MLYCD: variants seen among roughly 807,000 people sequenced by gnomAD.
The protein encoded by MLYCD is malonyl-CoA decarboxylase, mitochondrial.
A neutral mutation model predicts 35.8 loss-of-function variants in MLYCD; 27 were observed. That is an observed-to-expected ratio of 0.75 (90% CI 0.56 to 1.04). MLYCD has a LOEUF of 1.04. Among genes scored for constraint, MLYCD ranks in the 50% least tolerant of loss-of-function variants. MLYCD has a pLI of 0.00. For missense variants in MLYCD, 917 were observed against 665.1 expected (o/e 1.38, Z -4.17); for synonymous variants, 403 against 302.4 (o/e 1.33, Z -3.45).
rs931872530 is a variant in MLYCD at position 83,923,822 on chromosome 16, G to T, written c.*8333G>T. The stretch of plus-strand genomic sequence containing the variant: ...GACCCACGCAAAGGCCCAGAGAGGA[G>T]AAGGCCAGCAGTGGGCAGAACAGAG... On this transcript the variant is annotated 3_prime_UTR_variant, in exon 5 of 5. Coordinates refer to ENST00000262430, the MANE Select transcript of MLYCD (RefSeq NM_012213.3). 6.6e-6 allele frequency: 1 copy of T among 152,452 alleles called. No homozygotes were observed. Among genetic ancestry groups the T allele is most frequent in the Admixed American group, 6.5e-5 (1 of 15,280 alleles). 9.4% of individuals were successfully genotyped at this position (152,452 alleles called of 1,614,324 possible).
rs1229068702 is a variant in MLYCD, at chr16:83,923,676, G to C, written c.*8187G>C. On this transcript the variant is annotated 3_prime_UTR_variant, in exon 5 of 5. Transcript: ENST00000262430. ...CCTCACTTAGAGATGAGGCGATGAGGCGGCGAGCTGGGAGAGGGCTGAGCA... is the reference window on the plus strand; with the variant it reads ...CCTCACTTAGAGATGAGGCGATGAGCCGGCGAGCTGGGAGAGGGCTGAGCA... 6.6e-6 allele frequency: 1 copy of C among 152,372 alleles called. No homozygotes were observed. The highest frequency in any genetic ancestry group is 2.4e-5 in the African/African-American group (1 of 41,460). 9.4% of individuals were successfully genotyped at this position (152,372 alleles called of 1,614,324 possible).
intron 3 of MLYCD, chr16:83,911,545 GAGAA>G: frequency 6.5e-6 from 1 of 153,272 alleles, no homozygotes; most frequent in Admixed American, 6.5e-5. Flanking sequence ...ACGCTGCCGT[GAGAA>G]TGAGAGGCAA....
intron 3 of MLYCD, among the ~76,000 whole-genome samples, chr16:83,909,378 G>A (rs762042118): frequency 1.8e-4 from 28 of 152,164 alleles, no homozygotes; most frequent in Middle Eastern, 3.2e-3. Context: ...GACACATGGC[G>A]CGGCCTCGTG....
In MLYCD at chr16:83,915,257, A is replaced by T; in HGVS notation, c.1250A>T (p.Asn417Ile). Residue 417 changes from asparagine (N) to isoleucine (I), a missense_variant, in exon 5 of 5, where the codon AAC becomes ATC. By Grantham distance (149) the Asn-to-Ile change is moderately radical. Coordinates refer to ENST00000262430, the MANE Select transcript of MLYCD (RefSeq NM_012213.3). The part of the protein sequence containing the change: ...YGEKHRGYAL[N>I]PVANFHLQNG... ...GAGAAGCACCGCGGCTACGCGCTGA[A>T]CCCCGTGGCCAACTTCCACCTGCAG... The T allele has an allele frequency of 1.2e-6, 2 of 1,612,458 alleles. No homozygotes were observed. The highest frequency in any genetic ancestry group is 1.7e-6 in the Non-Finnish European group (2 of 1,178,614).
At chr16:83,910,556 G>A (rs909700368) in intron 3 of MLYCD, among the ~76,000 whole-genome samples, 3 of 151,928 alleles carry the variant, frequency 2.0e-5, no homozygotes, top group African/African-American at 7.2e-5. Context: ...CGGGTGTGGT[G>A]GTGTGCACCT....
chr16:83,913,813 A>G (rs1191322675), intron 4 of MLYCD: 2 of 151,942 alleles, frequency 1.3e-5, no homozygotes, highest in African/African-American at 4.8e-5. Flanking sequence ...CAAAAAAAAA[A>G]AAAAAAAAAC....
In MLYCD at chr16:83,922,282, T is replaced by TCCGG; in HGVS notation, c.*6795_*6798dup. ...TTCCCCCCGTATCCGAGACCTAAGT[T>TCCGG]CCGGCTCTCCTTATCTCTTGGAGCC... On this transcript the variant is annotated 3_prime_UTR_variant, in exon 5 of 5. Transcript: ENST00000262430. 6.6e-6 allele frequency: 1 copy of TCCGG among 152,170 alleles called. No individual in the cohort carries two copies. The highest frequency in any genetic ancestry group is 1.9e-4 in the East Asian group (1 of 5,170). 9.4% of individuals were successfully genotyped at this position (152,170 alleles called of 1,614,324 possible). A position where few individuals can be genotyped will look rare whatever the true frequency, so the allele number is the denominator to read the frequency against.
At chr16:83,914,232 A>G (rs1357015068) in intron 4 of MLYCD, 4 of 153,304 alleles carry the variant, frequency 2.6e-5, no homozygotes, top group Admixed American at 1.9e-4. Flanking sequence ...TGGGACAATA[A>G]CGATTGAACC....
Position 83,919,061 on chromosome 16 carries a change from CGGAGAACACAGTGCACA to C in MLYCD, c.*3582_*3598del, listed in dbSNP as rs1907546692. 1 of 120,414 alleles carries C rather than the reference CGGAGAACACAGTGCACA, an allele frequency of 8.3e-6. No individual in the cohort carries two copies. The highest frequency in any genetic ancestry group is 1.7e-5 in the Non-Finnish European group (1 of 58,922). The allele number at this position is 120,414 out of a possible 1,614,324, so 7.5% of individuals were successfully genotyped here. Reference sequence around the variant, plus strand: ...CACGCAGTACACAGACACAGTGCACCGGAGAACACAGTGCACAGGAGAACACGCACACACAGTGCACA... The same window carrying C: ...CACGCAGTACACAGACACAGTGCACCGGAGAACACGCACACACAGTGCACA... On this transcript the variant is annotated 3_prime_UTR_variant, in exon 5 of 5. Coordinates refer to ENST00000262430, the MANE Select transcript of MLYCD (RefSeq NM_012213.3).
chr16:83,902,170 T>C (rs1906817600), intron 1 of MLYCD, among the ~76,000 whole-genome samples: 1 of 127,668 alleles, frequency 7.8e-6, no homozygotes, highest in East Asian at 2.7e-4. Flanking sequence ...TATATATATA[T>C]ATATATATAT....
chr16:83,914,456 A>C (rs967160999), intron 4 of MLYCD: 2 of 222,084 alleles, frequency 9.0e-6, no homozygotes, highest in African/African-American at 2.3e-5. Context: ...GAGTAGCTGC[A>C]GTGCACCGAG....
chr16:83,914,230 T>C (rs548463396), intron 4 of MLYCD: 1 of 153,420 alleles, frequency 6.5e-6, no homozygotes, highest in South Asian at 2.1e-4. Context: ...GTTGGGACAA[T>C]AACGATTGAA....
At chr16:83,906,052 A>T (rs1173811987) in intron 1 of MLYCD, among the ~76,000 whole-genome samples, 1 of 152,208 alleles carries the variant, frequency 6.6e-6, no homozygotes, top group Non-Finnish European at 1.5e-5. Context: ...TGGTTGCCAG[A>T]TACGCTATTA....
chr16:83,906,873 C>T lies in MLYCD; in HGVS notation c.529-114C>T, dbSNP rs1025785104. 3.3e-6 allele frequency: 3 copies of T among 908,616 alleles called. No homozygotes were observed. The African/African-American group carries it at 4.9e-5, about 15-fold the overall frequency. The allele number at this position is 908,616 out of a possible 1,614,324, so 56.3% of individuals were successfully genotyped here. ...AAGCTGTTTGGAGAGTTGTCTTGCA[C>T]AATTGTCTTATGTATCGTGCTTGAG... On this transcript the variant is annotated intron_variant, in intron 1 of 4. Transcript: ENST00000262430.
rs543322889 is a variant in MLYCD at position 83,905,003 on chromosome 16, G to A, written c.529-1984G>A. Among the ~76,000 whole-genome samples, 9 of 152,272 alleles carry A rather than the reference G, an allele frequency of 5.9e-5. No individual in the cohort carries two copies. The South Asian group carries it at 1.0e-3, about 18-fold the overall frequency. ...GTAAAAGGAGACCTCATCTCCTTCC[G>A]AAAACTTCTCTGAGCCATCACCCCA... is the stretch of plus-strand genomic sequence containing the variant. On this transcript the variant is annotated intron_variant, in intron 1 of 4. Transcript: ENST00000262430.
Position 83,919,957 on chromosome 16 carries a change from A to G in MLYCD, c.*4468A>G, listed in dbSNP as rs1031275120. 21 of 152,080 alleles carry G rather than the reference A, an allele frequency of 1.4e-4. No homozygotes were observed. Among genetic ancestry groups the G allele is most frequent in the African/African-American group, 4.9e-4 (20 of 41,184 alleles). The allele number at this position is 152,080 out of a possible 1,614,324, so 9.4% of individuals were successfully genotyped here. ...TTCCATGCACAGGAGAACACACGCAATTCACAGGACACAACAGAACACACG... is the reference window on the plus strand; with the variant it reads ...TTCCATGCACAGGAGAACACACGCAGTTCACAGGACACAACAGAACACACG... On this transcript the variant is annotated 3_prime_UTR_variant, in exon 5 of 5. Coordinates refer to ENST00000262430, the MANE Select transcript of MLYCD (RefSeq NM_012213.3).
chr16:83,911,644 T>C (rs1388855109), intron 3 of MLYCD: 1 of 157,676 alleles, frequency 6.3e-6, no homozygotes, highest in Non-Finnish European at 1.4e-5. Flanking sequence ...TGTGTTACCA[T>C]TTAGGAAAAA....
At position 83,910,465 on chromosome 16, in the gene MLYCD, G is replaced by T. The variant is rs557442194; in HGVS notation, c.799-1753G>T. Reference sequence around the variant, plus strand: ...ACCCCGGGAGGCTGAGGAGGCAGCCGGATCACCTGAGGTCAGGAGTTCCAG... The same window carrying T: ...ACCCCGGGAGGCTGAGGAGGCAGCCTGATCACCTGAGGTCAGGAGTTCCAG... On this transcript the variant is annotated intron_variant, in intron 3 of 4. Transcript: ENST00000262430. Among the ~76,000 whole-genome samples, 22 of 152,098 alleles carry T rather than the reference G, an allele frequency of 1.4e-4. 1 individual carries two copies. In the East Asian group the frequency reaches 4.3e-3, roughly 30 times the overall value.
At chr16:83,906,926 C>A (rs1597290314) in intron 1 of MLYCD, 61 bp from the exon 2 acceptor site, 3 of 1,395,888 alleles carry the variant, frequency 2.1e-6, no homozygotes, top group South Asian at 2.3e-5. Context: ...CTGACCACAA[C>A]ACAGAGATGG....
Sources: allele counts gnomAD v4.1 joint callset (sites outside exome capture counted in the v4.1 genomes callset), GRCh38; gene constraint gnomAD v4.1.1; transcripts MANE v1.5; gene names NCBI Gene and HGNC (gene_info 2026-07-23, HGNC 2026-07-21).